The following NALF1 variants were observed in gnomAD, a reference collection of about 807,000 sequenced individuals.
NALF1 encodes the protein family with sequence similarity 155 member A.
A neutral mutation model predicts 48.4 loss-of-function variants in NALF1; 3 were observed. The observed-to-expected ratio is 0.06, with a 90% CI of 0.03 to 0.16. NALF1 has a LOEUF of 0.16. Ranked by LOEUF, NALF1 falls within the 10% of genes least tolerant of loss-of-function variation. The probability of loss-of-function intolerance (pLI) is 1.00; values close to 1 mark genes in which losing one functional copy is unlikely to be tolerated. For missense variants in NALF1, 526 were observed against 571.5 expected (o/e 0.92, Z 0.81); for synonymous variants, 262 against 245.7 (o/e 1.07, Z -0.62).
At chr13:107,275,544 G>A (rs9520360) in intron 1 of NALF1, among the ~76,000 whole-genome samples, 112,850 of 151,960 alleles carry the variant, frequency 0.74, 42,784 homozygotes, top group South Asian at 0.88. Context: ...CACAGGTTGA[G>A]CAGTGATTTT....
At chr13:107,456,478 T>G (rs1178200375) in intron 1 of NALF1, among the ~76,000 whole-genome samples, 1 of 152,208 alleles carries the variant, frequency 6.6e-6, no homozygotes, top group Admixed American at 6.5e-5. Flanking sequence ...ACTCTCCATT[T>G]GGCCCATGTT....
intron 1 of NALF1, among the ~76,000 whole-genome samples, chr13:107,558,902 C>A (rs1447206152): frequency 6.6e-6 from 1 of 152,104 alleles, no homozygotes; most frequent in Admixed American, 6.5e-5. Context: ...TCAATGCTCC[C>A]AGTTCTTAGA....
intron 1 of NALF1, among the ~76,000 whole-genome samples, chr13:107,598,536 A>G (rs941989499): frequency 3.9e-5 from 6 of 152,180 alleles, no homozygotes; most frequent in Admixed American, 1.3e-4. Context: ...ATCAAATTTA[A>G]TGTGTCTAAA....
At chr13:107,824,757 G>C (rs541492641) in intron 1 of NALF1, among the ~76,000 whole-genome samples, 3 of 152,330 alleles carry the variant, frequency 2.0e-5, no homozygotes, top group Non-Finnish European at 4.4e-5. Flanking sequence ...GCTTGTTTTT[G>C]ATGAGAATCC....
At chr13:107,673,035 A>C (rs184176161) in intron 1 of NALF1, among the ~76,000 whole-genome samples, 121 of 152,256 alleles carry the variant, frequency 7.9e-4, no homozygotes, top group Non-Finnish European at 1.4e-3. Context: ...CAGCAAATGC[A>C]CACCCATATC....
intron 1 of NALF1, among the ~76,000 whole-genome samples, chr13:107,499,786 G>A (rs1875458548): frequency 1.3e-5 from 2 of 151,848 alleles, no homozygotes; most frequent in South Asian, 4.2e-4. Flanking sequence ...TTTCTTTTAT[G>A]AGTACGTATT....
At chr13:107,475,011 A>T (rs1885156891) in intron 1 of NALF1, among the ~76,000 whole-genome samples, 1 of 152,142 alleles carries the variant, frequency 6.6e-6, no homozygotes. Flanking sequence ...CTAAGTGTCA[A>T]GTGGCCAGCA....
chr13:107,255,209 G>T (rs1434307733), intron 1 of NALF1, among the ~76,000 whole-genome samples: 1 of 152,154 alleles, frequency 6.6e-6, no homozygotes, highest in Non-Finnish European at 1.5e-5. Context: ...GTGGCAGTGT[G>T]CTGGCAGAAA....
At chr13:107,579,779 C>T (rs917168493) in intron 1 of NALF1, among the ~76,000 whole-genome samples, 2 of 151,928 alleles carry the variant, frequency 1.3e-5, no homozygotes, top group East Asian at 3.9e-4. Context: ...CCCACTAACT[C>T]GTCATCTAGC....
chr13:107,197,181 G>A (rs947946673), intron 2 of NALF1, among the ~76,000 whole-genome samples: 1 of 152,064 alleles, frequency 6.6e-6, no homozygotes, highest in Admixed American at 6.6e-5. Flanking sequence ...TAGAGGTGTC[G>A]CTAAACCTTG....
intron 1 of NALF1, among the ~76,000 whole-genome samples, chr13:107,259,215 CT>C (rs748508716): frequency 2.6e-5 from 4 of 152,102 alleles, no homozygotes; most frequent in Non-Finnish European, 5.9e-5. Flanking sequence ...GATGTAAAGT[CT>C]TTTTCTTTAT....
chr13:107,424,895 C>T (rs1884253584), intron 1 of NALF1, among the ~76,000 whole-genome samples: 1 of 152,174 alleles, frequency 6.6e-6, no homozygotes, highest in African/African-American at 2.4e-5. Flanking sequence ...TAAAACTTTA[C>T]TTGGTATACT....
At chr13:107,390,053 C>T (rs537578114) in intron 1 of NALF1, among the ~76,000 whole-genome samples, 1 of 152,198 alleles carries the variant, frequency 6.6e-6, no homozygotes, top group Non-Finnish European at 1.5e-5. Flanking sequence ...GGTTGGCCCA[C>T]TTTAGTAGTA....
chr13:107,518,439 A>G (rs1297320311), intron 1 of NALF1, among the ~76,000 whole-genome samples: 2 of 152,068 alleles, frequency 1.3e-5, no homozygotes, highest in African/African-American at 2.4e-5. Context: ...TGACTAATAC[A>G]TGTACTTAAA....
chr13:107,501,577 C>T (rs1039692662), intron 1 of NALF1, among the ~76,000 whole-genome samples: 1 of 152,136 alleles, frequency 6.6e-6, no homozygotes, highest in African/African-American at 2.4e-5. Context: ...TTTACCAAGT[C>T]AATGTCCTCA....
intron 1 of NALF1, among the ~76,000 whole-genome samples, chr13:107,228,629 T>G (rs553380111): frequency 2.0e-5 from 3 of 152,002 alleles, no homozygotes; most frequent in Admixed American, 2.0e-4. Context: ...CCGGTAATTC[T>G]TTTTTTTGGA....
At chr13:107,479,009 G>C (rs1885214061) in intron 1 of NALF1, among the ~76,000 whole-genome samples, 1 of 152,090 alleles carries the variant, frequency 6.6e-6, no homozygotes, top group Non-Finnish European at 1.5e-5. Flanking sequence ...GGCAAACCAG[G>C]AGAATTAAAA....
At chr13:107,471,666 CT>C (rs1885103332) in intron 1 of NALF1, among the ~76,000 whole-genome samples, 1 of 152,116 alleles carries the variant, frequency 6.6e-6, no homozygotes, top group South Asian at 2.1e-4. Context: ...AAAATAAGCT[CT>C]CTAATCAATG....
chr13:107,261,283 T>C (rs1880922465), intron 1 of NALF1, among the ~76,000 whole-genome samples: 3 of 152,152 alleles, frequency 2.0e-5, no homozygotes, highest in East Asian at 1.9e-4. Flanking sequence ...TACTCCACAC[T>C]GTGTACCTTC....
Sources: allele counts gnomAD v4.1 joint callset (sites outside exome capture counted in the v4.1 genomes callset), GRCh38; gene constraint gnomAD v4.1.1; transcripts MANE v1.5; gene names NCBI Gene and HGNC (gene_info 2026-07-23, HGNC 2026-07-21).